Variants in KDM3B observed in about 807,000 individuals in gnomAD.
KDM3B encodes the protein lysine-specific demethylase 3B.
Under a neutral mutation model 170.0 loss-of-function variants are expected in KDM3B, and 10 were observed. The ratio of observed to expected loss-of-function variants is 0.06; its 90% confidence interval spans 0.04 to 0.10. The LOEUF (loss-of-function observed/expected upper bound fraction) is 0.10, where lower values mean the gene tolerates loss of function less well. Ranked by LOEUF, KDM3B falls within the 10% of genes least tolerant of loss-of-function variation. KDM3B has a pLI of 1.00. For synonymous variants in KDM3B, 831 were observed against 834.8 expected (o/e 1.00, Z 0.08); for missense variants, 1,394 against 2,195.2 (o/e 0.64, Z 7.29).
chr5:138,408,239 A>T (rs1034058364), intron 11 of KDM3B, among the ~76,000 whole-genome samples: 1 of 152,060 alleles, frequency 6.6e-6, no homozygotes, highest in African/African-American at 2.4e-5. Flanking sequence ...TGTAAATCAG[A>T]CGCCGCCGCC....
chr5:138,372,102 G>A (rs553673953), intron 1 of KDM3B, among the ~76,000 whole-genome samples: 101 of 152,310 alleles, frequency 6.6e-4, no homozygotes, highest in African/African-American at 2.4e-3. Flanking sequence ...GACAGAGTGA[G>A]ACCCTGTCTC....
At chr5:138,389,347 T>C (rs1762362751) in intron 7 of KDM3B, among the ~76,000 whole-genome samples, 2 of 152,370 alleles carry the variant, frequency 1.3e-5, no homozygotes, top group East Asian at 3.8e-4. Context: ...AAATCCTGAA[T>C]GTTAACTCCT....
chr5:138,361,743 C>T (rs1311757704), intron 1 of KDM3B, among the ~76,000 whole-genome samples: 1 of 152,182 alleles, frequency 6.6e-6, no homozygotes, highest in Non-Finnish European at 1.5e-5. Context: ...CCTTCAGGCC[C>T]ATGCATCCTA....
intron 9 of KDM3B, among the ~76,000 whole-genome samples, chr5:138,396,960 C>T (rs971327754): frequency 2.6e-5 from 4 of 151,998 alleles, no homozygotes; most frequent in Non-Finnish European, 5.9e-5. Context: ...CCGAGGTGGG[C>T]GGATCGCTTA....
At chr5:138,377,306 G>A (rs1055625530) in intron 3 of KDM3B, among the ~76,000 whole-genome samples, 3 of 152,316 alleles carry the variant, frequency 2.0e-5, no homozygotes, top group African/African-American at 7.2e-5. Context: ...TTTCCTGTGT[G>A]ACTTCTCAGA....
In KDM3B at chr5:138,386,534, A is replaced by C. The variant is rs773942386; in HGVS notation, c.1293A>C (p.Pro431=). Residue 431 remains proline, a synonymous_variant, in exon 7 of 24, where the codon CCA becomes CCC. Transcript: ENST00000314358. ...TGGTCACTACCGCCAGCTCCACCCC[A>C]AACACAGTGAGGATCTCAGACACTG... The part of the protein sequence containing the change: ...AAVVTTASST[P]NTVRISDTGL... 92 of 1,614,114 alleles carry C rather than the reference A, an allele frequency of 5.7e-5. No homozygotes were observed. The highest frequency in any genetic ancestry group is 7.7e-5 in the Non-Finnish European group (91 of 1,180,036).
At chr5:138,353,284 C>G (rs991673090) in intron 1 of KDM3B, among the ~76,000 whole-genome samples, 1 of 152,374 alleles carries the variant, frequency 6.6e-6, no homozygotes, top group Admixed American at 6.5e-5. Flanking sequence ...CCCCAACACG[C>G]CTTCGGAGCA....
At position 138,430,337 on chromosome 5, in the gene KDM3B, G is replaced by A. The variant is rs1245849376; in HGVS notation, c.4982G>A (p.Arg1661Gln). 3.7e-6 allele frequency: 6 copies of A among 1,613,968 alleles called. No individual in the cohort carries two copies. The highest frequency in any genetic ancestry group is 5.1e-6 in the Non-Finnish European group (6 of 1,180,014). Residue 1661 changes from arginine to glutamine, a missense_variant, in exon 22 of 24, where the codon CGA (arginine) becomes CAA (glutamine). Arg to Gln is a conservative substitution (Grantham distance 43). Coordinates refer to ENST00000314358, the MANE Select transcript of KDM3B (RefSeq NM_016604.4). ...SWYLDQTLRK[R>Q]LYEEYGVQGW... ...TACCTGGACCAGACCCTCCGTAAGC[G>A]ACTCTATGAGGAGTATGGCGTGCAA...
rs182971003 is a variant in KDM3B at position 138,376,938 on chromosome 5, G to C, written c.475-782G>C. Among the ~76,000 whole-genome samples the C allele has an allele frequency of 7.9e-5, 12 of 152,272 alleles. No homozygotes were observed. The East Asian group carries it at 2.3e-3, about 29-fold the overall frequency. On this transcript the variant is annotated intron_variant, in intron 3 of 23. Coordinates refer to ENST00000314358, the MANE Select transcript of KDM3B (RefSeq NM_016604.4). Reference sequence around the variant, plus strand: ...AAATGTATTTATTTTTCACTTGTAAGGGTTGCTGTCTGCAGGAAGAAAATT... The same window carrying C: ...AAATGTATTTATTTTTCACTTGTAACGGTTGCTGTCTGCAGGAAGAAAATT...
chr5:138,353,997 A>G (rs1761393254), intron 1 of KDM3B, among the ~76,000 whole-genome samples: 1 of 152,148 alleles, frequency 6.6e-6, no homozygotes, highest in Admixed American at 6.5e-5. Flanking sequence ...TTGGAATGTA[A>G]TAGATCAGCA....
At chr5:138,401,529 T>C (rs1410518088) in intron 11 of KDM3B, among the ~76,000 whole-genome samples, 2 of 152,252 alleles carry the variant, frequency 1.3e-5, no homozygotes, top group Non-Finnish European at 2.9e-5. Context: ...GTTGATGGAC[T>C]TTTGGGTTGC....
intron 11 of KDM3B, among the ~76,000 whole-genome samples, chr5:138,414,571 G>A (rs1763055321): frequency 6.6e-6 from 1 of 152,190 alleles, no homozygotes; most frequent in African/African-American, 2.4e-5. Flanking sequence ...GTAATAGAAA[G>A]GTTCTATGTC....
chr5:138,431,646 G>T, intron 23 of KDM3B, 87 bp downstream of exon 23: 4 of 1,217,376 alleles, frequency 3.3e-6, no homozygotes, highest in Non-Finnish European at 1.1e-6. Context: ...CTTTCTGAGG[G>T]TATTCTCCGA....
At position 138,371,072 on chromosome 5, in the gene KDM3B, T is replaced by A. The variant is rs182553043; in HGVS notation, c.193-1602T>A. ...TCCACCCGCCTCGGCCTCCCAAAGTTCTGGGATGGCAGGCATGAGCCCCCG... is the reference window on the plus strand; with the variant it reads ...TCCACCCGCCTCGGCCTCCCAAAGTACTGGGATGGCAGGCATGAGCCCCCG... On this transcript the variant is annotated intron_variant, in intron 1 of 23. Transcript: ENST00000314358. Among the ~76,000 whole-genome samples the A allele has an allele frequency of 4.7e-3, 718 of 152,192 alleles. 2 individuals carry two copies. The highest frequency in any genetic ancestry group is 0.017 in the African/African-American group (695 of 41,530).
At position 138,386,444 on chromosome 5, in the gene KDM3B, C is replaced by G; in HGVS notation, c.1203C>G (p.Ala401=). Reference sequence around the variant, plus strand: ...CTTTGGCCCCAGAGGTGGGTGGAGCCGAAAACAAAGAGGCAGGAAAAACAC... The same window carrying G: ...CTTTGGCCCCAGAGGTGGGTGGAGCGGAAAACAAAGAGGCAGGAAAAACAC... The part of the protein sequence containing the change: ...QTPLAPEVGG[A]ENKEAGKTLE... The change falls in exon 7 of 24, where the codon GCC becomes GCG. Residue 401 remains alanine (A), a synonymous_variant. Coordinates refer to ENST00000314358, the MANE Select transcript of KDM3B (RefSeq NM_016604.4). The G allele has an allele frequency of 1.2e-6, 2 of 1,614,032 alleles. No individual in the cohort carries two copies. The highest frequency in any genetic ancestry group is 2.2e-5 in the South Asian group (2 of 91,076).
At chr5:138,367,408 T>TA (rs1290261890) in intron 1 of KDM3B, among the ~76,000 whole-genome samples, 1 of 152,170 alleles carries the variant, frequency 6.6e-6, no homozygotes, top group Non-Finnish European at 1.5e-5. Flanking sequence ...ACATGACAAA[T>TA]ATGAAGCCCC....
chr5:138,430,186 A>G, intron 21 of KDM3B, 63 bp from the exon 22 acceptor site: 1 of 1,557,922 alleles, frequency 6.4e-7, no homozygotes, highest in Non-Finnish European at 8.8e-7. Context: ...TGCTGCAGCA[A>G]GTTGGATTTA....
At chr5:138,421,283 T>C (rs536290568) in intron 15 of KDM3B, among the ~76,000 whole-genome samples, 3 of 152,348 alleles carry the variant, frequency 2.0e-5, no homozygotes, top group African/African-American at 7.2e-5. Context: ...TTCTCTTGGA[T>C]ATCTAATAGA....
At chr5:138,432,169 A>C (rs1763551517) in intron 23 of KDM3B, among the ~76,000 whole-genome samples, 1 of 152,232 alleles carries the variant, frequency 6.6e-6, no homozygotes, top group Non-Finnish European at 1.5e-5. Flanking sequence ...TGGAAAAAGC[A>C]CTATGGCAGT....
Sources: gnomAD v4.1 joint callset for allele counts (sites outside exome capture counted in the v4.1 genomes callset) on GRCh38, gnomAD v4.1.1 for gene constraint, MANE v1.5 for transcripts, NCBI Gene and HGNC (gene_info 2026-07-23, HGNC 2026-07-21) for gene names.